PRR32: variants seen among roughly 807,000 people sequenced by gnomAD.
The protein encoded by PRR32 is proline rich 32, also known as proline-rich protein 32.
Under a neutral mutation model 1.3 loss-of-function variants are expected in PRR32, and 2 were observed. The ratio of observed to expected loss-of-function variants is 1.49; its 90% CI spans 0.61 to 4.68. The LOEUF is 4.68. Among genes scored for constraint, PRR32 ranks in the 30% most tolerant of loss-of-function variants. The probability of loss-of-function intolerance (pLI) is 0.06; values close to 1 mark genes in which losing one functional copy is unlikely to be tolerated. For missense variants in PRR32, 241 were observed against 232.5 expected (o/e 1.04, Z -0.24); for synonymous variants, 107 against 88.7 (o/e 1.21, Z -1.16).
In PRR32 at chrX:126,821,448, A is replaced by C; in HGVS notation, c.810A>C (p.Ile270=). 8.6e-7 allele frequency: 1 copy of C among 1,167,597 alleles called. No individual in the cohort carries two copies. Among genetic ancestry groups the C allele is most frequent in the Non-Finnish European group, 1.1e-6 (1 of 872,986 alleles). The part of the protein sequence containing the change: ...TMPLPFAPPP[I]FGPPLPSYFA... ...CTCTTCCTTTTGCTCCTCCTCCGAT[A>C]TTTGGTCCTCCACTGCCTTCTTATT... The change falls in exon 2 of 2, where the codon ATA becomes ATC. Residue 270 remains isoleucine (I), a synonymous_variant. Transcript: ENST00000371125.
chrX:126,820,253 T>C (rs906614317), intron 1 of PRR32, among the ~76,000 whole-genome samples: 1 of 108,901 alleles, frequency 9.2e-6, no homozygotes, highest in African/African-American at 3.3e-5. Context: ...AAGAAAAAGA[T>C]ATTTTACTTC....
chrX:126,820,472 C>T (rs771018260), intron 1 of PRR32, among the ~76,000 whole-genome samples, 187 bp from the exon 2 acceptor site: 335 of 111,515 alleles, frequency 3.0e-3, no homozygotes, highest in Non-Finnish European at 4.8e-3. Flanking sequence ...AATCATGTAG[C>T]CTAGTACTAA....
Position 126,821,705 on chromosome X carries a change from A to G in PRR32, c.*170A>G. 2 of 608,448 alleles carry G rather than the reference A, an allele frequency of 3.3e-6. No individual in the cohort carries two copies. Among genetic ancestry groups the G allele is most frequent in the Non-Finnish European group, 4.9e-6 (2 of 406,600 alleles). 50.1% of individuals were successfully genotyped at this position (608,448 alleles called of 1,213,427 possible). A position where few individuals can be genotyped will look rare whatever the true frequency, so the allele number is the denominator to read the frequency against. On this transcript the variant is annotated 3_prime_UTR_variant, in exon 2 of 2. Coordinates refer to ENST00000371125, the MANE Select transcript of PRR32 (RefSeq NM_001122716.2). ...GTTTAGCACTAATGTGCCCTATTTG[A>G]AACCTTGTACCCTACCACACTCTGT...
chrX:126,821,332 T>C lies in PRR32; in HGVS notation c.694T>C (p.Ser232Pro). 1 of 1,168,695 alleles carries C rather than the reference T, an allele frequency of 8.6e-7. No individual in the cohort carries two copies. The highest frequency in any genetic ancestry group is 3.3e-5 in the East Asian group (1 of 30,744). ...TAATTGGCCAAGGCCTATCCCGTTG[T>C]CTTCCAGTACTCCAGGTTTACCTTC... ...MHNWPRPIPLSSSTPGLPSCS... is the reference protein window; with the variant it reads ...MHNWPRPIPLPSSTPGLPSCS... Residue 232 changes from serine (S) to proline (P), a missense_variant, in exon 2 of 2, where the codon TCT (serine) becomes CCT (proline). By Grantham distance (74) the Ser-to-Pro change is moderately conservative (BLOSUM62 -1). Coordinates refer to ENST00000371125, the MANE Select transcript of PRR32 (RefSeq NM_001122716.2).
rs770397449 is a variant in PRR32, at chrX:126,820,866, A to G, written c.228A>G (p.Arg76=). 1 of 1,165,930 alleles carries G rather than the reference A, an allele frequency of 8.6e-7. No homozygotes were observed. The highest frequency in any genetic ancestry group is 1.8e-5 in the African/African-American group (1 of 55,660). The change falls in exon 2 of 2, where the codon AGA becomes AGG. Residue 76 remains arginine (R), a synonymous_variant. Transcript: ENST00000371125. ...AGCAACTGGAGTGGCCCTCTGAAAG[A>G]ACAGGATCCTGCATTCCTCTTCATA... ...DSKQLEWPSE[R]TGSCIPLHSL...
Position 126,820,790 on chromosome X carries a change from CT to C in PRR32, c.153del (p.Gln52LysfsTer4), listed in dbSNP as rs1930542072. On this transcript the variant is annotated frameshift_variant, in exon 2 of 2. Coordinates refer to ENST00000371125, the MANE Select transcript of PRR32 (RefSeq NM_001122716.2). LOFTEE classifies it low-confidence loss of function (END_TRUNC). Reference protein sequence around the residue: ...PEDDAEPWGQPQVPLRPSVNV... With the variant: ...PEDDAEPWGQXQVPLRPSVNV... ...GATGACGCAGAGCCCTGGGGTCAAC[CT>C]CAAGTACCGCTGAGACCTTCCGTCA... 7 of 1,165,975 alleles carry C rather than the reference CT, an allele frequency of 6.0e-6. No individual in the cohort carries two copies. Among genetic ancestry groups the C allele is most frequent in the Non-Finnish European group, 6.9e-6 (6 of 872,706 alleles).
chrX:126,820,426 A>T (rs1043363350), intron 1 of PRR32, among the ~76,000 whole-genome samples: 1 of 111,241 alleles, frequency 9.0e-6, no homozygotes, highest in African/African-American at 3.3e-5. Context: ...TGGGGAAATG[A>T]GGAATGAAAT....
At chrX:126,820,012 C>G in intron 1 of PRR32, 149 bp downstream of exon 1, 3 of 524,706 alleles carry the variant, frequency 5.7e-6, no homozygotes, top group Non-Finnish European at 9.0e-6. Flanking sequence ...AATTTAGTTA[C>G]TAAGAATACC....
Position 126,821,179 on chromosome X carries a change from C to T in PRR32, c.541C>T (p.Pro181Ser). ...ACCCAGGGGCCCACAAGTGAGAGGC[C>T]CTTCACATATTCCCACCCTTAGATC... is the stretch of plus-strand genomic sequence containing the variant. ...FPPRGPQVRG[P>S]SHIPTLRSGI... The change falls in exon 2 of 2, where the codon CCT becomes TCT. Residue 181 changes from proline (P) to serine (S), a missense_variant. Pro to Ser is a moderately conservative substitution (Grantham distance 74). Coordinates refer to ENST00000371125, the MANE Select transcript of PRR32 (RefSeq NM_001122716.2). 3 of 1,167,767 alleles carry T rather than the reference C, an allele frequency of 2.6e-6. No individual in the cohort carries two copies. The highest frequency in any genetic ancestry group is 3.4e-6 in the Non-Finnish European group (3 of 873,011).
Position 126,821,523 on chromosome X carries a change from A to G in PRR32, c.885A>G (p.Arg295=). ...GGMPAPASPN[R]EHS is the part of the protein sequence containing the mutation. Reference sequence around the variant, plus strand: ...TGCCAGCTCCTGCATCACCCAACAGAGAGCACAGCTGATGGCAAAAAGGAA... The same window carrying G: ...TGCCAGCTCCTGCATCACCCAACAGGGAGCACAGCTGATGGCAAAAAGGAA... Residue 295 remains arginine, a synonymous_variant, in exon 2 of 2, where the codon AGA becomes AGG. Transcript: ENST00000371125. The G allele has an allele frequency of 8.6e-7, 1 of 1,165,404 alleles. No individual in the cohort carries two copies. Among genetic ancestry groups the G allele is most frequent in the Non-Finnish European group, 1.1e-6 (1 of 872,484 alleles).
In PRR32 at chrX:126,820,796, T is replaced by C. The variant is rs1055205146; in HGVS notation, c.158T>C (p.Val53Ala). The change falls in exon 2 of 2, where the codon GTA (valine) becomes GCA (alanine). Residue 53 changes from valine (V) to alanine (A), a missense_variant. Val to Ala is a moderately conservative substitution (Grantham distance 64). Coordinates refer to ENST00000371125, the MANE Select transcript of PRR32 (RefSeq NM_001122716.2). ...DDAEPWGQPQ[V>A]PLRPSVNVLT... is the part of the protein sequence containing the mutation. ...GCAGAGCCCTGGGGTCAACCTCAAG[T>C]ACCGCTGAGACCTTCCGTCAATGTG... 4.3e-6 allele frequency: 5 copies of C among 1,165,853 alleles called. No individual in the cohort carries two copies. The African/African-American group carries it at 9.0e-5, about 21-fold the overall frequency.
Position 126,821,176 on chromosome X carries a change from G to A in PRR32, c.538G>A (p.Gly180Ser), listed in dbSNP as rs1412006452. The change falls in exon 2 of 2, where the codon GGC becomes AGC. Residue 180 changes from glycine (G) to serine (S), a missense_variant. Transcript: ENST00000371125. Reference protein sequence around the residue: ...FFPPRGPQVRGPSHIPTLRSG... With the variant: ...FFPPRGPQVRSPSHIPTLRSG... ...TCCACCCAGGGGCCCACAAGTGAGA[G>A]GCCCTTCACATATTCCCACCCTTAG... The A allele has an allele frequency of 2.6e-6, 3 of 1,167,850 alleles. No homozygotes were observed. The highest frequency in any genetic ancestry group is 3.4e-6 in the Non-Finnish European group (3 of 873,009).
chrX:126,820,447 G>A (rs968195246), intron 1 of PRR32, among the ~76,000 whole-genome samples: 2 of 111,422 alleles, frequency 1.8e-5, no homozygotes, highest in Non-Finnish European at 1.9e-5. Flanking sequence ...AGGCCACTGA[G>A]TAGTCATGAA....
Position 126,821,418 on chromosome X carries a change from T to C in PRR32, c.780T>C (p.Thr260=), listed in dbSNP as rs1366988906. The change falls in exon 2 of 2, where the codon ACT becomes ACC. Residue 260 remains threonine (T), a synonymous_variant. Transcript: ENST00000371125. ...CTCCGATTTTCAATCCCTTTCTCAC[T>C]ATGCCTCTTCCTTTTGCTCCTCCTC... The part of the protein sequence containing the change: ...PRPPIFNPFL[T]MPLPFAPPPI... 5.1e-6 allele frequency: 6 copies of C among 1,166,737 alleles called. No individual in the cohort carries two copies. The African/African-American group carries it at 1.1e-4, about 21-fold the overall frequency.
Position 126,821,248 on chromosome X carries a change from T to A in PRR32, c.610T>A (p.Cys204Ser). ...GCCGCCCGGAAATACACGAATAGCC[T>A]GCAGAGGAAAGCTGGCTCATGTTTC... ...EVPPGNTRIA[C>S]RGKLAHVSFP... Residue 204 changes from cysteine to serine, a missense_variant, in exon 2 of 2, where the codon TGC (cysteine) becomes AGC (serine). Cys to Ser is a moderately radical substitution (Grantham distance 112). Coordinates refer to ENST00000371125, the MANE Select transcript of PRR32 (RefSeq NM_001122716.2). 8.6e-7 allele frequency: 1 copy of A among 1,168,288 alleles called. No homozygotes were observed. The highest frequency in any genetic ancestry group is 1.1e-6 in the Non-Finnish European group (1 of 873,115).
chrX:126,821,756 G>T lies in PRR32; in HGVS notation c.*221G>T. 1 of 385,577 alleles carries T rather than the reference G, an allele frequency of 2.6e-6. No homozygotes were observed. The allele number at this position is 385,577 out of a possible 1,213,427, so 31.8% of individuals were successfully genotyped here. On this transcript the variant is annotated 3_prime_UTR_variant, in exon 2 of 2. Transcript: ENST00000371125. ...TTAGCACAAATGTGCCCTACATACT[G>T]GAGATTAAATAAAGATTGTGAAGTC...
chrX:126,821,389 C>T lies in PRR32; in HGVS notation c.751C>T (p.Arg251Ter), dbSNP rs1451203996. The T allele has an allele frequency of 4.3e-6, 5 of 1,166,587 alleles. No individual in the cohort carries two copies. In the African/African-American group the frequency reaches 5.4e-5, roughly 13 times the overall value. Residue 251 changes from arginine (R) to a stop codon, truncating the protein, a stop_gained, in exon 2 of 2, where the codon CGA becomes TGA. Coordinates refer to ENST00000371125, the MANE Select transcript of PRR32 (RefSeq NM_001122716.2). LOFTEE classifies it low-confidence loss of function (END_TRUNC). ...CSTVHCFIPP[R>*]PPIFNPFLTM... is the part of the protein sequence containing the mutation. ...TACTGTTCATTGTTTCATCCCTCCT[C>T]GACCTCCGATTTTCAATCCCTTTCT...
Position 126,821,298 on chromosome X carries a change from CCCCA to C in PRR32, c.661_664del (p.Pro221CysfsTer84), listed in dbSNP as rs1204302380. On this transcript the variant is annotated frameshift_variant, in exon 2 of 2. Transcript: ENST00000371125. LOFTEE classifies it low-confidence loss of function (END_TRUNC). ...CTTTCCCACTCAGGGGCCCATGCCA[CCCCA>C]TGCATAATTGGCCAAGGCCTATCCC... is the stretch of plus-strand genomic sequence containing the variant. 2.6e-6 allele frequency: 3 copies of C among 1,168,558 alleles called. No homozygotes were observed. The highest frequency in any genetic ancestry group is 3.4e-6 in the Non-Finnish European group (3 of 873,174).
In PRR32 at chrX:126,821,200, A is replaced by G. The variant is rs1233421768; in HGVS notation, c.562A>G (p.Arg188Gly). 2 of 1,167,890 alleles carry G rather than the reference A, an allele frequency of 1.7e-6. No individual in the cohort carries two copies. Among genetic ancestry groups the G allele is most frequent in the Non-Finnish European group, 1.1e-6 (1 of 873,040 alleles). Reference protein sequence around the residue: ...VRGPSHIPTLRSGIVMEVPPG... With the variant: ...VRGPSHIPTLGSGIVMEVPPG... ...AGGCCCTTCACATATTCCCACCCTT[A>G]GATCAGGGATAGTAATGGAGGTGCC... is the stretch of plus-strand genomic sequence containing the variant. Residue 188 changes from arginine to glycine, a missense_variant, in exon 2 of 2, where the codon AGA (arginine) becomes GGA (glycine). Transcript: ENST00000371125.
Sources: gnomAD v4.1 joint callset for allele counts (sites outside exome capture counted in the v4.1 genomes callset) on GRCh38, gnomAD v4.1.1 for gene constraint, MANE v1.5 for transcripts, NCBI Gene and HGNC (gene_info 2026-07-23, HGNC 2026-07-21) for gene names.